Variants in TFCP2L1 observed in about 807,000 individuals in gnomAD.
TFCP2L1 encodes transcription factor CP2-like protein 1.
In TFCP2L1, 12 loss-of-function variants were observed where a neutral mutation model predicts 72.2. That is an observed-to-expected ratio of 0.17 (90% CI 0.11 to 0.27). The LOEUF is 0.27. Among genes scored for constraint, TFCP2L1 ranks in the 10% least tolerant of loss-of-function variants. The pLI is 1.00. For synonymous variants in TFCP2L1, 260 were observed against 251.0 expected (o/e 1.04, Z -0.34); for missense variants, 488 against 624.6 (o/e 0.78, Z 2.33).
chr2:121,253,586 G>A (rs1465643256), intron 2 of TFCP2L1, among the ~76,000 whole-genome samples: 1 of 152,078 alleles, frequency 6.6e-6, no homozygotes, highest in Non-Finnish European at 1.5e-5. Flanking sequence ...GGTGCCACAG[G>A]GCCCAGTTAT....
At chr2:121,238,301 A>C (rs11678466) in intron 8 of TFCP2L1, among the ~76,000 whole-genome samples, 17,069 of 152,200 alleles carry the variant, frequency 0.11, 1,099 homozygotes, top group Middle Eastern at 0.15. Context: ...GGGAGAGGGC[A>C]TAAGAATCCC....
chr2:121,236,193 G>A (rs1050873869), intron 10 of TFCP2L1, among the ~76,000 whole-genome samples: 1 of 152,186 alleles, frequency 6.6e-6, no homozygotes, highest in Non-Finnish European at 1.5e-5. Context: ...GGGCTGTTAT[G>A]AATAGGCTCT....
intron 4 of TFCP2L1, among the ~76,000 whole-genome samples, chr2:121,248,768 A>T (rs913146013): frequency 6.6e-6 from 1 of 152,160 alleles, no homozygotes; most frequent in Admixed American, 6.5e-5. Flanking sequence ...CAGGTCTCTC[A>T]ATTCCACAGA....
rs772379229 is a variant in TFCP2L1, at chr2:121,281,110, T to C, written c.214+10A>G. On this transcript the variant is annotated intron_variant, in intron 2 of 14. Coordinates refer to ENST00000263707, the MANE Select transcript of TFCP2L1 (RefSeq NM_014553.3). ...GGGTTCCGCCCTGGCCCGGGGCCTC[T>C]GGCCACTACCTTGGTTGAGGTAGGT... The C allele has an allele frequency of 5.3e-5, 85 of 1,613,884 alleles. 1 individual carries two copies. Among genetic ancestry groups the C allele is most frequent in the Admixed American group, 1.8e-4 (11 of 60,002 alleles).
In TFCP2L1 at chr2:121,237,795, CACTT is replaced by C. The variant is rs757157546; in HGVS notation, c.909+3_909+6del. On this transcript the variant is annotated splice_donor_5th_base_variant and intron_variant, in intron 9 of 14. Coordinates refer to ENST00000263707, the MANE Select transcript of TFCP2L1 (RefSeq NM_014553.3). ...CACCAGCCAGAAAGCCCTGCTCAGA[CACTT>C]ACGTCACTGCCCACGGGCAGGGCCT... 108 of 1,614,026 alleles carry C rather than the reference CACTT, an allele frequency of 6.7e-5. No homozygotes were observed. Among genetic ancestry groups the C allele is most frequent in the Non-Finnish European group, 4.7e-5 (55 of 1,180,032 alleles).
intron 2 of TFCP2L1, among the ~76,000 whole-genome samples, chr2:121,280,851 C>T (rs1687242194): frequency 6.6e-6 from 1 of 151,600 alleles, no homozygotes; most frequent in African/African-American, 2.4e-5. Context: ...AGCATCTGCT[C>T]CATGGAGGGG....
chr2:121,239,471 G>A lies in TFCP2L1; in HGVS notation c.860+87C>T, dbSNP rs1472400313. On this transcript the variant is annotated intron_variant, in intron 8 of 14. Transcript: ENST00000263707. ...GCTACCCTGAAACCCAAACAGAAAGGAGAGGAGACCCAGAAAGGAAGACTA... is the reference window on the plus strand; with the variant it reads ...GCTACCCTGAAACCCAAACAGAAAGAAGAGGAGACCCAGAAAGGAAGACTA... 6 of 1,440,434 alleles carry A rather than the reference G, an allele frequency of 4.2e-6. No homozygotes were observed. The Admixed American group carries it at 8.7e-5, about 21-fold the overall frequency. The allele number at this position is 1,440,434 out of a possible 1,614,324, so 89.2% of individuals were successfully genotyped here.
At chr2:121,260,592 C>T (rs553561202) in intron 2 of TFCP2L1, among the ~76,000 whole-genome samples, 17 of 152,324 alleles carry the variant, frequency 1.1e-4, no homozygotes, top group Non-Finnish European at 2.4e-4. Flanking sequence ...GACCTAACTG[C>T]CAAGGTCACA....
rs1685864924 is a variant in TFCP2L1, at chr2:121,218,044, T to C, written c.*6297A>G. 6.6e-6 allele frequency: 1 copy of C among 152,176 alleles called. No individual in the cohort carries two copies. The highest frequency in any genetic ancestry group is 1.5e-5 in the Non-Finnish European group (1 of 68,028). The allele number at this position is 152,176 out of a possible 1,614,324, so 9.4% of individuals were successfully genotyped here. A position where few individuals can be genotyped will look rare whatever the true frequency, so the allele number is the denominator to read the frequency against. On this transcript the variant is annotated 3_prime_UTR_variant, in exon 15 of 15. Transcript: ENST00000263707. ...CATTTTATTCTTTTAAAAAAGCCCT[T>C]ACTGTCTGAGGCTTTCTTTAAATAA...
In TFCP2L1 at chr2:121,235,387, C is replaced by T. The variant is rs1686225033; in HGVS notation, c.1004-76G>A. 4.1e-6 allele frequency: 6 copies of T among 1,460,598 alleles called. No homozygotes were observed. In the Admixed American group the frequency reaches 6.8e-5, roughly 17 times the overall value. The allele number at this position is 1,460,598 out of a possible 1,614,324, so 90.5% of individuals were successfully genotyped here. A position where few individuals can be genotyped will look rare whatever the true frequency, so the allele number is the denominator to read the frequency against. Reference sequence around the variant, plus strand: ...GCTCGGTCCCCAACCAGCTGCAGACCCCATAGCACTGGGGGTGGGGGGTGG... The same window carrying T: ...GCTCGGTCCCCAACCAGCTGCAGACTCCATAGCACTGGGGGTGGGGGGTGG... On this transcript the variant is annotated intron_variant, in intron 10 of 14. Coordinates refer to ENST00000263707, the MANE Select transcript of TFCP2L1 (RefSeq NM_014553.3).
chr2:121,255,377 G>A (rs1364708407), intron 2 of TFCP2L1, among the ~76,000 whole-genome samples: 2 of 152,118 alleles, frequency 1.3e-5, no homozygotes, highest in Non-Finnish European at 2.9e-5. Context: ...TGGGGGGGAG[G>A]GGGTGAGAGG....
chr2:121,245,082 C>T (rs1030134406), intron 6 of TFCP2L1, among the ~76,000 whole-genome samples: 3 of 152,190 alleles, frequency 2.0e-5, no homozygotes, highest in African/African-American at 7.2e-5. Flanking sequence ...GATTGCTACG[C>T]AACTGATGCA....
chr2:121,277,373 T>C (rs1410592296), intron 2 of TFCP2L1, among the ~76,000 whole-genome samples: 3 of 152,174 alleles, frequency 2.0e-5, no homozygotes, highest in African/African-American at 7.2e-5. Flanking sequence ...TTAAATTCCA[T>C]GTTTCACTAA....
At chr2:121,259,433 T>C (rs1283450637) in intron 2 of TFCP2L1, among the ~76,000 whole-genome samples, 3 of 152,236 alleles carry the variant, frequency 2.0e-5, no homozygotes, top group African/African-American at 7.2e-5. Context: ...CTATAGATAG[T>C]TACACATAAA....
At chr2:121,248,824 A>G (rs1049879928) in intron 4 of TFCP2L1, among the ~76,000 whole-genome samples, 158 bp downstream of exon 4, 7 of 152,214 alleles carry the variant, frequency 4.6e-5, no homozygotes, top group African/African-American at 1.7e-4. Context: ...GGCAGGACCC[A>G]GTGTATGGTC....
intron 2 of TFCP2L1, among the ~76,000 whole-genome samples, chr2:121,276,548 C>A (rs1042704584): frequency 2.3e-4 from 35 of 151,446 alleles, no homozygotes; most frequent in Middle Eastern, 3.4e-3. Flanking sequence ...TAGGAGGATC[C>A]CCTGAGCCCG....
chr2:121,270,001 T>C (rs1017288919), intron 2 of TFCP2L1, among the ~76,000 whole-genome samples: 1 of 150,958 alleles, frequency 6.6e-6, no homozygotes, highest in Non-Finnish European at 1.5e-5. Context: ...ATATTTCCAG[T>C]ACATATTATA....
chr2:121,251,242 T>TG (rs1215261102), intron 2 of TFCP2L1, among the ~76,000 whole-genome samples: 1 of 150,240 alleles, frequency 6.7e-6, no homozygotes. Flanking sequence ...GGCGAGAGAG[T>TG]GAGACTTGGT....
intron 2 of TFCP2L1, among the ~76,000 whole-genome samples, chr2:121,278,856 T>C (rs950092834): frequency 7.3e-5 from 11 of 150,852 alleles, no homozygotes; most frequent in Non-Finnish European, 3.0e-5. Flanking sequence ...ATACAAAAAT[T>C]AGCTGGGTGT....
Sources: gnomAD v4.1 joint callset for allele counts (sites outside exome capture counted in the v4.1 genomes callset) on GRCh38, gnomAD v4.1.1 for gene constraint, MANE v1.5 for transcripts, NCBI Gene and HGNC (gene_info 2026-07-23, HGNC 2026-07-21) for gene names.